ROBO2: variants seen among roughly 807,000 people sequenced by gnomAD.
ROBO2 encodes roundabout guidance receptor 2.
ROBO2 carries 53 observed loss-of-function variants against 160.8 expected under a neutral mutation model. That is an observed-to-expected ratio of 0.33 (90% CI 0.26 to 0.41). The LOEUF is 0.41. Ranked by LOEUF, ROBO2 falls within the 10% of genes least tolerant of loss-of-function variation. ROBO2 has a pLI of 1.00. For missense variants in ROBO2, 1,577 were observed against 1,722.4 expected (o/e 0.92, Z 1.49); for synonymous variants, 664 against 611.7 (o/e 1.09, Z -1.26).
intron 6 of ROBO2, among the ~76,000 whole-genome samples, chr3:77,533,512 C>T (rs190735575): frequency 1.8e-4 from 27 of 152,246 alleles, no homozygotes; most frequent in African/African-American, 6.0e-4. Flanking sequence ...GGGTGTTTTT[C>T]GGAATCTGGT....
chr3:76,444,023 T>C (rs1173780761), intron 2 of ROBO2, among the ~76,000 whole-genome samples: 1 of 152,154 alleles, frequency 6.6e-6, no homozygotes, highest in East Asian at 1.9e-4. Flanking sequence ...TGGAGTGCAG[T>C]GGCACAATCT....
At position 76,033,104 on chromosome 3, in the gene ROBO2, A is replaced by C. The variant is rs1245288589; in HGVS notation, c.109+95502A>C. ...CATCGTAAAATGGATATAACAGCAA[A>C]AAAAAAAAATGGGGAGAAATGTTAT... On this transcript the variant is annotated intron_variant, in intron 2 of 26. Coordinates refer to the ROBO2 transcript ENST00000487694. Among the ~76,000 whole-genome samples the C allele has an allele frequency of 2.1e-4, 5 of 23,666 alleles. No individual in the cohort carries two copies. In the African/African-American group the frequency reaches 2.2e-3, roughly 10 times the overall value. The allele number at this position is 23,666 out of a possible 152,430, so 15.5% of individuals were successfully genotyped here. A position where few individuals can be genotyped will look rare whatever the true frequency, so the allele number is the denominator to read the frequency against.
At chr3:76,275,513 T>C (rs1473896741) in intron 2 of ROBO2, among the ~76,000 whole-genome samples, 1 of 152,148 alleles carries the variant, frequency 6.6e-6, no homozygotes, top group Non-Finnish European at 1.5e-5. Context: ...TTCACAGTCA[T>C]TTCACTCTGT....
intron 2 of ROBO2, among the ~76,000 whole-genome samples, chr3:76,055,464 A>G (rs895442713): frequency 6.6e-6 from 1 of 152,140 alleles, no homozygotes; most frequent in Admixed American, 6.5e-5. Context: ...CATTATACTC[A>G]ATAGGCAGTT....
At chr3:77,330,519 T>C (rs1360802975) in intron 2 of ROBO2, among the ~76,000 whole-genome samples, 8 of 152,288 alleles carry the variant, frequency 5.3e-5, no homozygotes, top group African/African-American at 1.9e-4. Context: ...TATTTAATCT[T>C]TATTTTCTCC....
At chr3:76,663,099 C>T (rs1224488251) in intron 2 of ROBO2, among the ~76,000 whole-genome samples, 1 of 152,028 alleles carries the variant, frequency 6.6e-6, no homozygotes, top group African/African-American at 2.4e-5. Flanking sequence ...GTATCAGTGG[C>T]AAAGTGGAAG....
At chr3:76,972,202 CA>C (rs899414510) in intron 2 of ROBO2, among the ~76,000 whole-genome samples, 5 of 147,976 alleles carry the variant, frequency 3.4e-5, no homozygotes, top group Admixed American at 6.7e-5. Flanking sequence ...CCAGAGTCTC[CA>C]AAAAAAAAAT....
At chr3:77,127,135 T>A (rs2150322594) in intron 2 of ROBO2, among the ~76,000 whole-genome samples, 1 of 152,180 alleles carries the variant, frequency 6.6e-6, no homozygotes. Context: ...AATGTTGACC[T>A]ACAGGAAGCT....
chr3:76,956,570 A>G (rs1455225467), intron 2 of ROBO2, among the ~76,000 whole-genome samples: 1 of 151,480 alleles, frequency 6.6e-6, no homozygotes, highest in Non-Finnish European at 1.5e-5. Context: ...AAAAAAAAAA[A>G]AGAAAAAGAA....
At chr3:76,886,827 G>A (rs1158965890) in intron 2 of ROBO2, among the ~76,000 whole-genome samples, 2 of 152,166 alleles carry the variant, frequency 1.3e-5, no homozygotes, top group African/African-American at 2.4e-5. Flanking sequence ...AGCTATTTGA[G>A]TTGGTGGCCA....
chr3:77,625,941 C>A (rs2153708993), intron 23 of ROBO2, among the ~76,000 whole-genome samples: 1 of 152,148 alleles, frequency 6.6e-6, no homozygotes, highest in Non-Finnish European at 1.5e-5. Context: ...GTATTATTTT[C>A]ATTTAATAGA....
intron 2 of ROBO2, among the ~76,000 whole-genome samples, chr3:77,133,878 A>G (rs1401224673): frequency 6.6e-6 from 1 of 152,224 alleles, no homozygotes; most frequent in Non-Finnish European, 1.5e-5. Flanking sequence ...TGATGCTCAT[A>G]TATTTTCAAA....
chr3:76,357,614 A>G (rs1488869507), intron 2 of ROBO2, among the ~76,000 whole-genome samples: 1 of 151,940 alleles, frequency 6.6e-6, no homozygotes, highest in Non-Finnish European at 1.5e-5. Context: ...CACATGATGG[A>G]TACATATATC....
intron 2 of ROBO2, among the ~76,000 whole-genome samples, chr3:76,820,173 TCAAGTA>T (rs2065995587): frequency 6.6e-6 from 1 of 152,054 alleles, no homozygotes; most frequent in Non-Finnish European, 1.5e-5. Flanking sequence ...CATCACAATT[TCAAGTA>T]CAATTATATT....
chr3:76,211,053 A>T (rs34022587), intron 2 of ROBO2, among the ~76,000 whole-genome samples: 147,991 of 152,096 alleles, frequency 0.97, 72,131 homozygotes, highest in East Asian at 1. Flanking sequence ...TTCATTTGTC[A>T]CCTGATATCA....
chr3:76,246,514 G>A (rs897395730), intron 2 of ROBO2, among the ~76,000 whole-genome samples: 1 of 152,044 alleles, frequency 6.6e-6, no homozygotes, highest in Non-Finnish European at 1.5e-5. Context: ...TGTATAAAAT[G>A]TTTCATGAGT....
chr3:76,949,019 G>T lies in ROBO2; in HGVS notation c.110-148995G>T, dbSNP rs189987933. The stretch of plus-strand genomic sequence containing the variant: ...ACCCGCCTCGGCCTCCCAAAGTGCT[G>T]GGATTACAGGCGTGAGCCACCACGC... On this transcript the variant is annotated intron_variant, in intron 2 of 26. Transcript: ENST00000487694. 1.7e-3 allele frequency among the ~76,000 whole-genome samples: 245 copies of T among 147,978 alleles called. 1 individual carries two copies. The highest frequency in any genetic ancestry group is 5.2e-3 in the African/African-American group (209 of 39,918).
rs533560634 is a variant in ROBO2, at chr3:77,365,403, T to C, written c.389-112011T>C. The stretch of plus-strand genomic sequence containing the variant: ...TGACAGCTATTTTTTTGGGAGGCTC[T>C]GCTTGAATTTAGATAAGAATTTTTT... On this transcript the variant is annotated intron_variant, in intron 2 of 25. Coordinates refer to ENST00000461745, the Ensembl canonical transcript of ROBO2. 2.0e-5 allele frequency among the ~76,000 whole-genome samples: 3 copies of C among 152,250 alleles called. No homozygotes were observed. The East Asian group carries it at 5.8e-4, about 30-fold the overall frequency.
chr3:77,208,053 A>C (rs993745028), intron 2 of ROBO2, among the ~76,000 whole-genome samples: 1 of 152,312 alleles, frequency 6.6e-6, no homozygotes, highest in Admixed American at 6.5e-5. Flanking sequence ...GTAAAGAGTA[A>C]GATGTGCGCA....
Sources: gnomAD v4.1 joint callset for allele counts (sites outside exome capture counted in the v4.1 genomes callset) on GRCh38, gnomAD v4.1.1 for gene constraint, MANE v1.5 for transcripts, NCBI Gene and HGNC (gene_info 2026-07-23, HGNC 2026-07-21) for gene names.